SNX29: variants seen among roughly 807,000 people sequenced by gnomAD.
SNX29 encodes the protein sorting nexin 29.
In SNX29, 78 loss-of-function variants were observed where a neutral mutation model predicts 102.1. That is an observed-to-expected ratio of 0.76 (90% confidence interval 0.64 to 0.92). SNX29 has a LOEUF of 0.92. SNX29 is among the 40% of genes least tolerant of loss of function. The pLI, the probability that SNX29 is intolerant of heterozygous loss-of-function variation, is 0.00. For missense variants in SNX29, 1,280 were observed against 1,061.7 expected, an observed-to-expected ratio of 1.21 and a Z score of -2.86; for synonymous variants, 580 against 414.5, an observed-to-expected ratio of 1.40 and a Z score of -4.85.
chr16:12,054,099 C>T (rs1011915136), intron 8 of SNX29, among the ~76,000 whole-genome samples: 4 of 152,148 alleles, frequency 2.6e-5, no homozygotes, highest in African/African-American at 9.6e-5. Context: ...TCCCGAGTAG[C>T]TGGGACTGCA....
intron 20 of SNX29, among the ~76,000 whole-genome samples, chr16:12,551,679 A>C (rs972326036): frequency 6.6e-6 from 1 of 152,222 alleles, no homozygotes; most frequent in East Asian, 1.9e-4. Context: ...GCAGTAGGAT[A>C]AAAGTACCAC....
chr16:12,091,066 A>C (rs1460715298), intron 11 of SNX29, among the ~76,000 whole-genome samples: 1 of 151,162 alleles, frequency 6.6e-6, no homozygotes, highest in African/African-American at 2.4e-5. Context: ...GAGCGCCTGG[A>C]AAATAGTAAT....
At chr16:12,161,982 A>G (rs1377731632) in intron 13 of SNX29, among the ~76,000 whole-genome samples, 1 of 152,116 alleles carries the variant, frequency 6.6e-6, no homozygotes, top group African/African-American at 2.4e-5. Flanking sequence ...GTCTTTCCAC[A>G]ATTGTCGGCC....
chr16:12,178,293 T>G (rs1026216568), intron 13 of SNX29, among the ~76,000 whole-genome samples: 2 of 151,490 alleles, frequency 1.3e-5, no homozygotes, highest in African/African-American at 4.9e-5. Context: ...GATGTGGGGG[T>G]GGTGGTTATG....
At chr16:12,288,665 C>T (rs1010113439) in intron 15 of SNX29, among the ~76,000 whole-genome samples, 13 of 131,258 alleles carry the variant, frequency 9.9e-5, no homozygotes, top group Non-Finnish European at 1.5e-4. Flanking sequence ...GGTGACAGAG[C>T]GAGACATCTG....
chr16:12,165,086 G>C (rs1392643838), intron 13 of SNX29, among the ~76,000 whole-genome samples: 1 of 152,204 alleles, frequency 6.6e-6, no homozygotes. Context: ...TCGGCCTTTT[G>C]AGGAACAGGA....
intron 20 of SNX29, among the ~76,000 whole-genome samples, chr16:12,532,700 T>G (rs1350348106): frequency 2.0e-5 from 3 of 152,088 alleles, no homozygotes; most frequent in Non-Finnish European, 1.5e-5. Flanking sequence ...CAGGGTCAGG[T>G]GCCCAGGGAA....
chr16:12,262,434 G>A (rs2078803007), intron 14 of SNX29, among the ~76,000 whole-genome samples: 1 of 152,182 alleles, frequency 6.6e-6, no homozygotes, highest in Non-Finnish European at 1.5e-5. Flanking sequence ...TTAAGCACAT[G>A]CACAAAGAGA....
chr16:12,334,902 T>TTTTTTTTTTA (rs1491138056), intron 15 of SNX29, among the ~76,000 whole-genome samples: 2 of 3,320 alleles, frequency 6.0e-4, no homozygotes, highest in African/African-American at 1.9e-3. Context: ...CCCCAGAGCC[T>TTTTTTTTTTA]TTTTTTTTTT....
intron 18 of SNX29, among the ~76,000 whole-genome samples, chr16:12,409,405 G>GT (rs1390455259): frequency 6.7e-6 from 1 of 148,550 alleles, no homozygotes; most frequent in Non-Finnish European, 1.5e-5. Context: ...CTCCAAACGG[G>GT]TTTGAGATTC....
At chr16:12,314,262 G>T (rs565883869) in intron 15 of SNX29, among the ~76,000 whole-genome samples, 3 of 152,348 alleles carry the variant, frequency 2.0e-5, no homozygotes, top group Non-Finnish European at 4.4e-5. Flanking sequence ...GCCTCCCAAA[G>T]TACTGGCATT....
chr16:12,523,623 A>G (rs1191597012), intron 19 of SNX29, among the ~76,000 whole-genome samples: 1 of 152,192 alleles, frequency 6.6e-6, no homozygotes, highest in Non-Finnish European at 1.5e-5. Context: ...GCAGTAGCTC[A>G]CCACGCAGTC....
At chr16:12,550,522 C>T (rs1040754374) in intron 20 of SNX29, among the ~76,000 whole-genome samples, 9 of 132,308 alleles carry the variant, frequency 6.8e-5, no homozygotes, top group Non-Finnish European at 1.1e-4. Flanking sequence ...GAGACACAGT[C>T]TCAATCTACA....
chr16:12,545,262 A>C (rs1009483015), intron 20 of SNX29, among the ~76,000 whole-genome samples: 6 of 152,258 alleles, frequency 3.9e-5, no homozygotes, highest in African/African-American at 1.4e-4. Context: ...TCCAAAGAGT[A>C]CTGTTGAGAA....
intron 19 of SNX29, among the ~76,000 whole-genome samples, chr16:12,510,214 CTG>C (rs1233114167): frequency 6.6e-6 from 1 of 152,190 alleles, no homozygotes; most frequent in African/African-American, 2.4e-5. Flanking sequence ...ATGTATTCTA[CTG>C]TGTTTAATTT....
chr16:12,124,042 C>G (rs566940952), intron 11 of SNX29, among the ~76,000 whole-genome samples: 2 of 152,186 alleles, frequency 1.3e-5, no homozygotes, highest in African/African-American at 4.8e-5. Context: ...ACATGATATT[C>G]AAAGGTAGAT....
At chr16:12,547,660 C>T (rs904417869) in intron 20 of SNX29, among the ~76,000 whole-genome samples, 3 of 152,150 alleles carry the variant, frequency 2.0e-5, no homozygotes, top group East Asian at 1.9e-4. Context: ...CCACCCCAAG[C>T]ACCATCTCCT....
intron 13 of SNX29, among the ~76,000 whole-genome samples, chr16:12,194,288 T>C (rs2076716315): frequency 6.6e-6 from 1 of 152,240 alleles, no homozygotes; most frequent in South Asian, 2.1e-4. Flanking sequence ...TTCTCATTGT[T>C]CATTGTTAGT....
intron 14 of SNX29, among the ~76,000 whole-genome samples, chr16:12,249,068 A>C (rs1352926369): frequency 6.6e-6 from 1 of 152,192 alleles, no homozygotes; most frequent in Non-Finnish European, 1.5e-5. Flanking sequence ...TCCCAAAATG[A>C]GTGGCTTAAA....
Sources: allele counts gnomAD v4.1 joint callset (sites outside exome capture counted in the v4.1 genomes callset), GRCh38; gene constraint gnomAD v4.1.1; transcripts MANE v1.5; gene names NCBI Gene and HGNC (gene_info 2026-07-23, HGNC 2026-07-21).